Variants in CCNJL observed in about 807,000 individuals in gnomAD.
CCNJL encodes the protein cyclin J like.
In CCNJL, 33 loss-of-function variants were observed where a neutral mutation model predicts 33.4. The observed-to-expected ratio is 0.99, with a 90% confidence interval of 0.75 to 1.32. CCNJL has a LOEUF of 1.32. Ranked by LOEUF, CCNJL falls within the 40% of genes most tolerant of loss-of-function variation. CCNJL has a pLI of 0.00. For synonymous variants in CCNJL, 227 were observed against 220.9 expected, an observed-to-expected ratio of 1.03 and a Z score of -0.24; for missense variants, 512 against 499.7, an observed-to-expected ratio of 1.02 and a Z score of -0.23.
chr5:160,285,584 A>T (rs1267170551), intron 2 of CCNJL, among the ~76,000 whole-genome samples: 1 of 152,370 alleles, frequency 6.6e-6, no homozygotes, highest in African/African-American at 2.4e-5. Context: ...ACTTCAAAGA[A>T]GACAGATTGA....
intron 4 of CCNJL, among the ~76,000 whole-genome samples, chr5:160,256,926 A>C (rs1761090239): frequency 6.6e-6 from 1 of 151,770 alleles, no homozygotes; most frequent in African/African-American, 2.4e-5. Context: ...TCAAAAAAAA[A>C]AAAATTTTTT....
At chr5:160,310,818 G>A (rs1328926274) in intron 2 of CCNJL, among the ~76,000 whole-genome samples, 1 of 152,162 alleles carries the variant, frequency 6.6e-6, no homozygotes, top group Non-Finnish European at 1.5e-5. Flanking sequence ...CCTACAAGCC[G>A]AGGAATGCCA....
chr5:160,287,772 TCAGG>T (rs1190263099), intron 2 of CCNJL, among the ~76,000 whole-genome samples: 1 of 152,194 alleles, frequency 6.6e-6, no homozygotes, highest in Non-Finnish European at 1.5e-5. Flanking sequence ...CATTCAGCAA[TCAGG>T]CAGGCGCTGG....
chr5:160,296,685 C>T (rs148886621), intron 2 of CCNJL, among the ~76,000 whole-genome samples: 37 of 152,268 alleles, frequency 2.4e-4, no homozygotes, highest in Non-Finnish European at 4.7e-4. Context: ...GGTGCATCTC[C>T]TGGTCCTCCC....
chr5:160,258,182 T>A (rs1761153320), intron 4 of CCNJL: 2 of 477,958 alleles, frequency 4.2e-6, no homozygotes, highest in Non-Finnish European at 3.8e-6. Context: ...CATTTTAGTT[T>A]GTGGTAGGTT....
chr5:160,330,722 G>A (rs1024332029), intron 1 of CCNJL, among the ~76,000 whole-genome samples: 18 of 151,672 alleles, frequency 1.2e-4, no homozygotes, highest in African/African-American at 4.4e-4. Flanking sequence ...GGAGTGCAGT[G>A]GTGCGGTCTC....
intron 1 of CCNJL, among the ~76,000 whole-genome samples, chr5:160,318,053 T>G (rs1184452918): frequency 6.6e-6 from 1 of 151,714 alleles, no homozygotes; most frequent in African/African-American, 2.4e-5. Context: ...AGTCTCACTC[T>G]GTTGCCAGGC....
chr5:160,276,710 C>T (rs1459440801), intron 3 of CCNJL, among the ~76,000 whole-genome samples: 1 of 152,106 alleles, frequency 6.6e-6, no homozygotes, highest in African/African-American at 2.4e-5. Context: ...CGTGAAGGTG[C>T]TAAACACCAC....
chr5:160,320,973 C>A (rs1460622406), intron 1 of CCNJL, among the ~76,000 whole-genome samples: 10 of 122,342 alleles, frequency 8.2e-5, no homozygotes, highest in African/African-American at 3.4e-4. Flanking sequence ...TCTGTCTCTC[C>A]CTCCCTCTCT....
At chr5:160,298,541 G>C (rs1194438517) in intron 2 of CCNJL, among the ~76,000 whole-genome samples, 2 of 152,126 alleles carry the variant, frequency 1.3e-5, no homozygotes. Flanking sequence ...CCTACAGTCT[G>C]GGGAGGGAGC....
At chr5:160,304,247 T>C (rs573995448) in intron 2 of CCNJL, among the ~76,000 whole-genome samples, 3 of 152,358 alleles carry the variant, frequency 2.0e-5, no homozygotes, top group African/African-American at 7.2e-5. Context: ...GGTTCAGTTT[T>C]GTCACCAGAT....
intron 2 of CCNJL, among the ~76,000 whole-genome samples, chr5:160,291,420 G>C (rs1216480366): frequency 6.6e-6 from 1 of 152,004 alleles, no homozygotes; most frequent in East Asian, 1.9e-4. Context: ...CCCAGTAGAG[G>C]CCCTGAAACA....
intron 1 of CCNJL, among the ~76,000 whole-genome samples, chr5:160,339,234 T>A (rs181990346): frequency 6.9e-6 from 1 of 145,934 alleles, no homozygotes; most frequent in East Asian, 2.0e-4. Flanking sequence ...GGATAATACT[T>A]AAGAAATGTG....
At chr5:160,254,377 A>G (rs1455498121) in intron 5 of CCNJL, 3 of 647,652 alleles carry the variant, frequency 4.6e-6, no homozygotes, top group Admixed American at 2.6e-5. Context: ...AGCTTCCCAT[A>G]TAGCTTTTTG....
chr5:160,255,791 G>C (rs1761040320), intron 4 of CCNJL, 83 bp from the exon 5 acceptor site: 9 of 1,245,198 alleles, frequency 7.2e-6, no homozygotes, highest in Non-Finnish European at 1.0e-5. Context: ...ATGGACAAAT[G>C]AATCGCTTTC....
intron 3 of CCNJL, among the ~76,000 whole-genome samples, chr5:160,275,641 C>G (rs1761984696): frequency 6.6e-6 from 1 of 152,100 alleles, no homozygotes; most frequent in Non-Finnish European, 1.5e-5. Context: ...CGTGCCACCA[C>G]ACCTGGCTAA....
chr5:160,301,921 G>T (rs992283725), intron 2 of CCNJL, among the ~76,000 whole-genome samples: 11 of 151,862 alleles, frequency 7.2e-5, no homozygotes, highest in Non-Finnish European at 1.5e-4. Context: ...GTAGAGATGG[G>T]GCTTCACCAT....
chr5:160,265,807 C>T (rs557806895), intron 3 of CCNJL, among the ~76,000 whole-genome samples: 1 of 148,650 alleles, frequency 6.7e-6, no homozygotes, highest in South Asian at 2.1e-4. Flanking sequence ...GAGCCAAGAT[C>T]GGGGCACTGC....
At chr5:160,318,092 C>T (rs1229729378) in intron 1 of CCNJL, among the ~76,000 whole-genome samples, 1 of 151,970 alleles carries the variant, frequency 6.6e-6, no homozygotes, top group Non-Finnish European at 1.5e-5. Context: ...TCTCGGCTCA[C>T]TGCAACCACT....
Sources: gnomAD v4.1 joint callset for allele counts (sites outside exome capture counted in the v4.1 genomes callset) on GRCh38, gnomAD v4.1.1 for gene constraint, MANE v1.5 for transcripts, NCBI Gene and HGNC (gene_info 2026-07-23, HGNC 2026-07-21) for gene names.